DPP6: variants seen among roughly 807,000 people sequenced by gnomAD.
DPP6 encodes dipeptidyl peptidase like 6, also known as A-type potassium channel modulatory protein DPP6.
DPP6 carries 69 observed loss-of-function variants against 122.6 expected under a neutral mutation model. That is an observed-to-expected ratio of 0.56 (90% CI 0.46 to 0.69). The LOEUF is 0.69. Ranked by LOEUF, DPP6 falls within the 30% of genes least tolerant of loss-of-function variation. The pLI, the probability that DPP6 is intolerant of heterozygous loss-of-function variation, is 0.00. For synonymous variants in DPP6, 418 were observed against 433.1 expected, an observed-to-expected ratio of 0.97 and a Z score of 0.43; for missense variants, 928 against 1,116.9, an observed-to-expected ratio of 0.83 and a Z score of 2.41.
Position 154,052,806 on chromosome 7 carries a change from G to T in DPP6, c.-15G>T. 1 of 1,513,196 alleles carries T rather than the reference G, an allele frequency of 6.6e-7. No homozygotes were observed. The allele number at this position is 1,513,196 out of a possible 1,614,324, so 93.7% of individuals were successfully genotyped here. On this transcript the variant is annotated 5_prime_UTR_variant, in exon 1 of 26. The change creates a new upstream start codon in the 5' untranslated region. Coordinates refer to ENST00000377770, the MANE Select transcript of DPP6 (RefSeq NM_130797.4). The surrounding 1 kb of genome is among the most constrained non-coding windows in gnomAD (Gnocchi z 4.8). ...TAAAAAGCCCCAAAGACAGCCAGCA[G>T]GAGCGCGGTGCCCGATGGCTTCGCT...
intron 1 of DPP6, among the ~76,000 whole-genome samples, chr7:154,088,935 C>T (rs1804618815): frequency 6.6e-6 from 1 of 152,188 alleles, no homozygotes; most frequent in African/African-American, 2.4e-5. Context: ...ACATGTGGCT[C>T]CGGCTGGAGT....
chr7:154,885,790 G>A lies in DPP6; in HGVS notation c.2245+46G>A, dbSNP rs374235804. On this transcript the variant is annotated intron_variant, in intron 22 of 25. Transcript: ENST00000377770. ...AAGCGACGGGCTCTGCTCCCGCCCC[G>A]CCCCGCCCCCTGCCTGCGTGGCCCC... 5.4e-5 allele frequency: 66 copies of A among 1,232,186 alleles called. No homozygotes were observed. The African/African-American group carries it at 5.8e-4, about 11-fold the overall frequency. The allele number at this position is 1,232,186 out of a possible 1,614,324, so 76.3% of individuals were successfully genotyped here. A position where few individuals can be genotyped will look rare whatever the true frequency, so the allele number is the denominator to read the frequency against.
the DPP6 span, among the ~76,000 whole-genome samples, chr7:153,799,337 G>A: frequency 2.6e-5 from 4 of 152,114 alleles, no homozygotes; most frequent in African/African-American, 9.7e-5. Flanking sequence ...AATCTTATAA[G>A]CAAAGAAATA....
At chr7:154,884,257 C>T (rs942434580) in intron 21 of DPP6, 4 of 148,432 alleles carry the variant, frequency 2.7e-5, no homozygotes, top group African/African-American at 1.0e-4. Context: ...AAATTACATA[C>T]ACATGCTCAC....
the DPP6 span, among the ~76,000 whole-genome samples, chr7:153,818,633 T>C: frequency 2.6e-5 from 4 of 151,898 alleles, no homozygotes; most frequent in East Asian, 7.8e-4. Context: ...AGATGTAGGT[T>C]AAGATAGCCA....
intron 1 of DPP6, among the ~76,000 whole-genome samples, chr7:153,984,877 C>G (rs28491900): frequency 0.028 from 4,267 of 152,314 alleles, 209 homozygotes; most frequent in African/African-American, 0.097. Context: ...ATCTTCCAGT[C>G]TCATCTCTGC....
the DPP6 span, among the ~76,000 whole-genome samples, chr7:153,773,862 C>CAA: frequency 2.0e-4 from 18 of 90,770 alleles, no homozygotes; most frequent in African/African-American, 3.7e-4. Context: ...GCAACAAAGA[C>CAA]AAAAAAAAAA....
chr7:154,559,364 G>T (rs1830264910), intron 4 of DPP6, among the ~76,000 whole-genome samples: 1 of 143,906 alleles, frequency 6.9e-6, no homozygotes, highest in African/African-American at 2.5e-5. Context: ...AAAAAAGCCT[G>T]AACAGCATGT....
chr7:153,962,502 T>G (rs1795403615), intron 1 of DPP6, among the ~76,000 whole-genome samples: 1 of 152,182 alleles, frequency 6.6e-6, no homozygotes. Flanking sequence ...ACTGTGTGAT[T>G]TATGTTGTCT....
chr7:153,943,779 C>A (rs1025962020), intron 1 of DPP6, among the ~76,000 whole-genome samples: 7 of 152,178 alleles, frequency 4.6e-5, no homozygotes, highest in Non-Finnish European at 8.8e-5. Context: ...TTGCCTCCCC[C>A]TAAGCTAGCA....
rs187039156 is a variant in DPP6 at position 154,805,049 on chromosome 7, G to A, written c.1547+85G>A. The A allele has an allele frequency of 3.6e-4, 543 of 1,510,166 alleles. 2 individuals carry two copies. In the Middle Eastern group the frequency reaches 3.7e-3, roughly 10 times the overall value. 93.5% of individuals were successfully genotyped at this position (1,510,166 alleles called of 1,614,324 possible). A position where few individuals can be genotyped will look rare whatever the true frequency, so the allele number is the denominator to read the frequency against. Reference sequence around the variant, plus strand: ...CAGAATTGCACCTTTTCAGCAGTTCGGAAAGGGCGGCAGCAAAGACAGACC... The same window carrying A: ...CAGAATTGCACCTTTTCAGCAGTTCAGAAAGGGCGGCAGCAAAGACAGACC... On this transcript the variant is annotated intron_variant, in intron 15 of 25. Transcript: ENST00000377770.
At chr7:154,727,717 T>C (rs1205490037) in intron 7 of DPP6, 50 bp from the exon 8 acceptor site, 1 of 1,544,408 alleles carries the variant, frequency 6.5e-7, no homozygotes, top group East Asian at 2.4e-5. Flanking sequence ...ACAGCCTATT[T>C]ATAACCACTT....
At chr7:153,825,286 G>C in the DPP6 span, among the ~76,000 whole-genome samples, 1 of 151,986 alleles carries the variant, frequency 6.6e-6, no homozygotes, top group Non-Finnish European at 1.5e-5. Context: ...CCCCTTTAAG[G>C]AGGACCACTT....
chr7:154,157,857 C>A (rs1333663157), intron 1 of DPP6, among the ~76,000 whole-genome samples: 1 of 151,738 alleles, frequency 6.6e-6, no homozygotes, highest in African/African-American at 2.4e-5. Context: ...GGCTTGAACC[C>A]GGGAGGCAGA....
chr7:154,757,509 C>A (rs541369546), intron 8 of DPP6, among the ~76,000 whole-genome samples: 1 of 152,360 alleles, frequency 6.6e-6, no homozygotes, highest in African/African-American at 2.4e-5. Context: ...ATGATTTTTA[C>A]ACAAGTCATT....
At chr7:154,100,782 T>A (rs906796051) in intron 1 of DPP6, among the ~76,000 whole-genome samples, 1 of 119,654 alleles carries the variant, frequency 8.4e-6, no homozygotes, top group Non-Finnish European at 1.8e-5. Flanking sequence ...CCACACAGAC[T>A]GCACATACCG....
At chr7:154,300,204 C>T (rs954504969) in intron 1 of DPP6, among the ~76,000 whole-genome samples, 4 of 152,188 alleles carry the variant, frequency 2.6e-5, no homozygotes, top group East Asian at 1.9e-4. Flanking sequence ...CCCCATGCCC[C>T]GCCAGGCTCC....
At position 154,608,933 on chromosome 7, in the gene DPP6, A is replaced by G. The variant is rs557883857; in HGVS notation, c.628-28888A>G. On this transcript the variant is annotated intron_variant, in intron 5 of 25. Coordinates refer to ENST00000377770, the MANE Select transcript of DPP6 (RefSeq NM_130797.4). ...TTCTAGTTCCAGTCCCGTTTTCAAGAAAGTTTAATCTATGTATGGGTACTG... is the reference window on the plus strand; with the variant it reads ...TTCTAGTTCCAGTCCCGTTTTCAAGGAAGTTTAATCTATGTATGGGTACTG... Among the ~76,000 whole-genome samples the G allele has an allele frequency of 4.6e-5, 7 of 152,272 alleles. No homozygotes were observed. The East Asian group carries it at 5.8e-4, about 13-fold the overall frequency.
chr7:154,332,125 G>A (rs954666563), intron 1 of DPP6, among the ~76,000 whole-genome samples: 1 of 150,364 alleles, frequency 6.7e-6, no homozygotes, highest in African/African-American at 2.5e-5. Context: ...AGGCTGGAGT[G>A]CAGTGGTGCA....
Sources: allele counts gnomAD v4.1 joint callset (sites outside exome capture counted in the v4.1 genomes callset), GRCh38; gene constraint gnomAD v4.1.1; non-coding constraint Gnocchi (gnomAD v3.1); transcripts MANE v1.5; gene names NCBI Gene and HGNC (gene_info 2026-07-23, HGNC 2026-07-21).